ANKRD44: variants seen among roughly 807,000 people sequenced by gnomAD.
ANKRD44 encodes serine/threonine-protein phosphatase 6 regulatory ankyrin repeat subunit B.
A neutral mutation model predicts 116.0 loss-of-function variants in ANKRD44; 35 were observed. The ratio of observed to expected loss-of-function variants is 0.30; its 90% CI spans 0.23 to 0.40. ANKRD44 has a LOEUF of 0.40. Among genes scored for constraint, ANKRD44 ranks in the 10% least tolerant of loss-of-function variants. The pLI, the probability that ANKRD44 is intolerant of heterozygous loss-of-function variation, is 1.00. For synonymous variants in ANKRD44, 435 were observed against 461.8 expected (o/e 0.94, Z 0.74); for missense variants, 1,014 against 1,242.6 (o/e 0.82, Z 2.77).
At chr2:196,990,045 A>C in intron 27 of ANKRD44, 1 of 1,008,090 alleles carries the variant, frequency 9.9e-7, no homozygotes, top group Non-Finnish European at 1.2e-6. Flanking sequence ...TGTGTTAAAC[A>C]AAAAAAGCAA....
At chr2:197,171,355 G>A (rs887141115) in intron 2 of ANKRD44, among the ~76,000 whole-genome samples, 2 of 152,228 alleles carry the variant, frequency 1.3e-5, no homozygotes, top group African/African-American at 2.4e-5. Context: ...CAGCTCTCAA[G>A]TAGAGGGACA....
intron 27 of ANKRD44, among the ~76,000 whole-genome samples, chr2:196,991,571 T>C (rs930214447): frequency 2.6e-5 from 4 of 152,082 alleles, no homozygotes; most frequent in Non-Finnish European, 5.9e-5. Flanking sequence ...TACAATCATT[T>C]AGGAGAAATT....
rs2075700626 is a variant in ANKRD44, at chr2:196,969,556, C to G, written c.2369-2110G>C. 2.6e-5 allele frequency among the ~76,000 whole-genome samples: 4 copies of G among 152,198 alleles called. No homozygotes were observed. In the South Asian group the frequency reaches 6.2e-4, roughly 24 times the overall value. ...CACAGAACATTTTATCTCTATCACA[C>G]AGATGTAATCACATAATTACAACAG... On this transcript the variant is annotated intron_variant, in intron 21 of 21. Transcript: ENST00000424317.
chr2:197,162,264 C>A (rs756017530), intron 2 of ANKRD44, among the ~76,000 whole-genome samples: 1 of 152,186 alleles, frequency 6.6e-6, no homozygotes, highest in Non-Finnish European at 1.5e-5. Context: ...ATTTTCTCTT[C>A]CCACCCTAAA....
chr2:197,165,185 A>C (rs536567768), intron 2 of ANKRD44, among the ~76,000 whole-genome samples: 4 of 152,336 alleles, frequency 2.6e-5, no homozygotes, highest in Admixed American at 2.6e-4. Context: ...GGCTGGCTGA[A>C]TTCGAAAGAC....
At chr2:197,259,796 C>T (rs914154745) in intron 1 of ANKRD44, among the ~76,000 whole-genome samples, 1 of 152,176 alleles carries the variant, frequency 6.6e-6, no homozygotes, top group Non-Finnish European at 1.5e-5. Context: ...GCTAATGTAT[C>T]TCCTGGGGCA....
At chr2:197,295,640 C>G (rs1313642420) in intron 1 of ANKRD44, among the ~76,000 whole-genome samples, 1 of 152,140 alleles carries the variant, frequency 6.6e-6, no homozygotes. Flanking sequence ...ACAATGTCCT[C>G]ATTTCTTAAA....
In ANKRD44 at chr2:197,112,710, AAAAAAAAAAAAAG is replaced by A. The variant is rs1403832535; in HGVS notation, c.907-1879_907-1867del. 2.6e-3 allele frequency among the ~76,000 whole-genome samples: 384 copies of A among 149,540 alleles called. 14 individuals are homozygous for A. Among genetic ancestry groups the A allele is most frequent in the Admixed American group, 0.024 (370 of 15,136 alleles). ...GCGACAGAGCGAGACTCCGTCTCAA[AAAAAAAAAAAAAG>A]AAAAAAAGAAAAGAAAAAAAAAGAA... On this transcript the variant is annotated intron_variant, in intron 8 of 27. Coordinates refer to ENST00000282272, the MANE Select transcript of ANKRD44 (RefSeq NM_001195144.2).
At chr2:197,279,414 C>G (rs1361469362) in intron 1 of ANKRD44, among the ~76,000 whole-genome samples, 1 of 152,136 alleles carries the variant, frequency 6.6e-6, no homozygotes, top group Admixed American at 6.6e-5. Flanking sequence ...CACATCACAA[C>G]CTCTGATCAA....
chr2:197,229,874 T>A (rs2081814683), intron 1 of ANKRD44, among the ~76,000 whole-genome samples: 1 of 152,152 alleles, frequency 6.6e-6, no homozygotes, highest in African/African-American at 2.4e-5. Context: ...CGATGCAGAA[T>A]TGGAAAGGAG....
At chr2:197,283,371 T>G (rs991345604) in intron 1 of ANKRD44, among the ~76,000 whole-genome samples, 1 of 152,268 alleles carries the variant, frequency 6.6e-6, no homozygotes, top group Non-Finnish European at 1.5e-5. Context: ...CTATTAACCT[T>G]CATGCCAGTC....
intron 1 of ANKRD44, among the ~76,000 whole-genome samples, chr2:197,306,775 C>T (rs2105928636): frequency 6.6e-6 from 1 of 152,286 alleles, no homozygotes; most frequent in East Asian, 1.9e-4. Context: ...CGCTGCCAGC[C>T]ACTGCCTTTG....
intron 1 of ANKRD44, among the ~76,000 whole-genome samples, chr2:197,260,287 T>A (rs192862067): frequency 0.028 from 4,222 of 152,200 alleles, 96 homozygotes; most frequent in Non-Finnish European, 0.039. Context: ...CCTGTGTCCA[T>A]GTGTTCTCAT....
chr2:197,122,827 C>T (rs1574497615), intron 6 of ANKRD44, 35 bp from the exon 7 acceptor site: 1 of 1,598,902 alleles, frequency 6.3e-7, no homozygotes, highest in East Asian at 2.2e-5. Flanking sequence ...CATCGTTAAC[C>T]TTTATAGGAC....
intron 27 of ANKRD44, chr2:196,990,147 T>C: frequency 1.0e-6 from 1 of 986,806 alleles, no homozygotes; most frequent in Non-Finnish European, 1.2e-6. Flanking sequence ...AGGATATAAA[T>C]AGTTGGACTC....
chr2:197,255,373 A>G lies in ANKRD44; in HGVS notation c.27+55205T>C, dbSNP rs112257036. 5.3e-5 allele frequency among the ~76,000 whole-genome samples: 8 copies of G among 152,370 alleles called. 1 individual carries two copies. Among genetic ancestry groups the G allele is most frequent in the African/African-American group, 1.7e-4 (7 of 41,588 alleles). On this transcript the variant is annotated intron_variant, in intron 1 of 27. Transcript: ENST00000282272. Reference sequence around the variant, plus strand: ...GAAACACAAGCTAAGTGACAAAAAAAGGCAGGCACAATAGAGCAGCCTGGG... The same window carrying G: ...GAAACACAAGCTAAGTGACAAAAAAGGGCAGGCACAATAGAGCAGCCTGGG...
intron 1 of ANKRD44, among the ~76,000 whole-genome samples, chr2:197,230,772 G>A (rs1024412295): frequency 3.3e-5 from 5 of 152,072 alleles, no homozygotes; most frequent in African/African-American, 7.2e-5. Flanking sequence ...GTAGTCATTC[G>A]GGGCCTCGGG....
intron 1 of ANKRD44, among the ~76,000 whole-genome samples, chr2:197,310,168 G>A (rs1452521736): frequency 1.3e-5 from 2 of 152,158 alleles, no homozygotes; most frequent in Admixed American, 6.5e-5. Context: ...AGGGGTCCCA[G>A]TCTGCGATCC....
At chr2:197,241,397 G>C (rs1037448189) in intron 1 of ANKRD44, among the ~76,000 whole-genome samples, 1 of 152,142 alleles carries the variant, frequency 6.6e-6, no homozygotes, top group Non-Finnish European at 1.5e-5. Flanking sequence ...GAGGGGCACA[G>C]TAAATAGATT....
Sources: gnomAD v4.1 joint callset for allele counts (sites outside exome capture counted in the v4.1 genomes callset) on GRCh38, gnomAD v4.1.1 for gene constraint, MANE v1.5 for transcripts, NCBI Gene and HGNC (gene_info 2026-07-23, HGNC 2026-07-21) for gene names.